ROBO2: variants seen among roughly 807,000 people sequenced by gnomAD.
ROBO2 encodes roundabout guidance receptor 2.
Under a neutral mutation model 160.8 loss-of-function variants are expected in ROBO2, and 53 were observed. That is an observed-to-expected ratio of 0.33 (90% CI 0.26 to 0.41). The LOEUF is 0.41. ROBO2 is among the 10% of genes least tolerant of loss of function. The pLI is 1.00. For synonymous variants in ROBO2, 664 were observed against 611.7 expected (o/e 1.09, Z -1.26); for missense variants, 1,577 against 1,722.4 (o/e 0.92, Z 1.49).
intron 2 of ROBO2, among the ~76,000 whole-genome samples, chr3:76,022,967 C>G (rs1285992306): frequency 1.3e-5 from 2 of 151,768 alleles, no homozygotes; most frequent in African/African-American, 2.4e-5. Flanking sequence ...CATCTATTAT[C>G]TTAGCTAGAT....
intron 2 of ROBO2, among the ~76,000 whole-genome samples, chr3:77,382,148 G>C (rs569502314): frequency 6.6e-6 from 1 of 152,132 alleles, no homozygotes; most frequent in Non-Finnish European, 1.5e-5. Context: ...TAAAGCTGAG[G>C]CATAAATGGC....
intron 2 of ROBO2, among the ~76,000 whole-genome samples, chr3:77,337,511 CTTAAG>C (rs1351115119): frequency 2.0e-5 from 3 of 152,068 alleles, no homozygotes; most frequent in Non-Finnish European, 2.9e-5. Context: ...GTTACCTGAA[CTTAAG>C]TTGAGTTTAC....
intron 5 of ROBO2, 40 bp downstream of exon 5, chr3:77,493,422 A>G (rs372632214): frequency 1.2e-6 from 2 of 1,607,070 alleles, no homozygotes; most frequent in African/African-American, 1.3e-5. Flanking sequence ...TAGATAACCA[A>G]TGAATAATTA....
At chr3:76,297,706 TAA>T (rs71277576) in intron 2 of ROBO2, among the ~76,000 whole-genome samples, 118 of 56,648 alleles carry the variant, frequency 2.1e-3, no homozygotes, top group African/African-American at 2.7e-3. Flanking sequence ...CTGCTTTCCT[TAA>T]AAAAAAAAAA....
intron 2 of ROBO2, among the ~76,000 whole-genome samples, chr3:76,374,659 C>T (rs970396027): frequency 1.3e-5 from 2 of 151,966 alleles, no homozygotes; most frequent in African/African-American, 4.8e-5. Context: ...AATTGTCCAA[C>T]CCCTTAGCCT....
At chr3:76,956,895 G>T (rs1263991679) in intron 2 of ROBO2, among the ~76,000 whole-genome samples, 1 of 152,088 alleles carries the variant, frequency 6.6e-6, no homozygotes, top group Non-Finnish European at 1.5e-5. Context: ...GACTGAGGAA[G>T]GTTGTGAGGT....
At chr3:75,956,545 C>T (rs913843862) in intron 2 of ROBO2, among the ~76,000 whole-genome samples, 66 of 151,558 alleles carry the variant, frequency 4.4e-4, no homozygotes, top group African/African-American at 1.5e-3. Flanking sequence ...TTGCCATGTT[C>T]CTTGGAATAT....
intron 2 of ROBO2, among the ~76,000 whole-genome samples, chr3:76,202,072 G>A (rs1281272586): frequency 6.6e-6 from 1 of 152,078 alleles, no homozygotes; most frequent in Admixed American, 6.6e-5. Flanking sequence ...ATGTTTATGT[G>A]CATAGCACAG....
rs556224814 is a variant in ROBO2, at chr3:77,460,526, G to C, written c.389-16888G>C. Among the ~76,000 whole-genome samples, 6 of 152,244 alleles carry C rather than the reference G, an allele frequency of 3.9e-5. No homozygotes were observed. In the South Asian group the frequency reaches 1.2e-3, roughly 32 times the overall value. On this transcript the variant is annotated intron_variant, in intron 2 of 25. Transcript: ENST00000461745. The stretch of plus-strand genomic sequence containing the variant: ...GCTGGAACACTCCGTTTTAAGTACT[G>C]ACGATTTTTTAAGGGCAGGAAGCTT...
chr3:77,619,139 G>A (rs374302213), intron 22 of ROBO2, among the ~76,000 whole-genome samples: 4 of 152,164 alleles, frequency 2.6e-5, no homozygotes, highest in Non-Finnish European at 5.9e-5. Flanking sequence ...GACCACTGCC[G>A]TGGAGATGAA....
chr3:76,476,516 G>T (rs2078938952), intron 2 of ROBO2, among the ~76,000 whole-genome samples: 1 of 152,066 alleles, frequency 6.6e-6, no homozygotes, highest in African/African-American at 2.4e-5. Flanking sequence ...CCACCTACTT[G>T]CTGGACAGAT....
chr3:76,714,972 T>G lies in ROBO2; in HGVS notation c.110-383042T>G, dbSNP rs574418926. ...TAATTTGCAACAGGTGACCCCAAGC[T>G]CATAAACATTATTTCTTTCATTTTG... is the stretch of plus-strand genomic sequence containing the variant. On this transcript the variant is annotated intron_variant, in intron 2 of 26. Transcript: ENST00000487694. 2.6e-5 allele frequency among the ~76,000 whole-genome samples: 4 copies of G among 152,238 alleles called. No individual in the cohort carries two copies. In the South Asian group the frequency reaches 8.3e-4, roughly 32 times the overall value.
intron 1 of ROBO2, among the ~76,000 whole-genome samples, chr3:75,930,874 T>C (rs1476473200): frequency 1.3e-5 from 2 of 152,216 alleles, no homozygotes; most frequent in African/African-American, 4.8e-5. Flanking sequence ...ACATATTTTC[T>C]TACCTACTCT....
intron 2 of ROBO2, among the ~76,000 whole-genome samples, chr3:77,390,068 G>T (rs1030928326): frequency 6.6e-6 from 1 of 152,168 alleles, no homozygotes; most frequent in Non-Finnish European, 1.5e-5. Context: ...CCAAATATCA[G>T]TCTTGGGCCT....
At chr3:76,358,173 T>C (rs1398134876) in intron 2 of ROBO2, among the ~76,000 whole-genome samples, 2 of 151,962 alleles carry the variant, frequency 1.3e-5, no homozygotes, top group Non-Finnish European at 1.5e-5. Flanking sequence ...TCTCTCTTCA[T>C]AGATGTCTGC....
In ROBO2 at chr3:76,405,679, A is replaced by G. The variant is rs560995571; in HGVS notation, c.109+468077A>G. On this transcript the variant is annotated intron_variant, in intron 2 of 26. Coordinates refer to the ROBO2 transcript ENST00000487694. ...TTTGGAGAGCATAGGTTTCTTGGCA[A>G]GAGTCCACATGTTCATCTTCTACTT... 5.3e-5 allele frequency among the ~76,000 whole-genome samples: 8 copies of G among 151,786 alleles called. No individual in the cohort carries two copies. The South Asian group carries it at 1.0e-3, about 20-fold the overall frequency.
intron 1 of ROBO2, among the ~76,000 whole-genome samples, chr3:77,094,719 A>C (rs1234010628): frequency 1.3e-5 from 2 of 152,090 alleles, no homozygotes; most frequent in East Asian, 3.9e-4. Flanking sequence ...CTTTGATTAT[A>C]TATGTCCTAG....
chr3:76,512,195 G>T (rs1298770968), intron 2 of ROBO2, among the ~76,000 whole-genome samples: 1 of 151,632 alleles, frequency 6.6e-6, no homozygotes, highest in Non-Finnish European at 1.5e-5. Flanking sequence ...TATCTCTAGA[G>T]AATCTCCTTC....
intron 2 of ROBO2, among the ~76,000 whole-genome samples, chr3:77,474,584 T>A (rs150286690): frequency 6.6e-6 from 1 of 152,028 alleles, no homozygotes; most frequent in Non-Finnish European, 1.5e-5. Context: ...GTGCTCTTCT[T>A]TTGACATACG....
Sources: allele counts gnomAD v4.1 joint callset (sites outside exome capture counted in the v4.1 genomes callset), GRCh38; gene constraint gnomAD v4.1.1; transcripts MANE v1.5; gene names NCBI Gene and HGNC (gene_info 2026-07-23, HGNC 2026-07-21).